RSPO1: variants seen among roughly 807,000 people sequenced by gnomAD.
The protein encoded by RSPO1 is R-spondin-1.
In RSPO1, 18 loss-of-function variants were observed where a neutral mutation model predicts 26.0. That is an observed-to-expected ratio of 0.69 (90% CI 0.48 to 1.03). The LOEUF is 1.03. Among genes scored for constraint, RSPO1 ranks in the 50% least tolerant of loss-of-function variants. RSPO1 has a pLI of 0.00. For missense variants in RSPO1, 309 were observed against 352.3 expected (o/e 0.88, Z 0.98); for synonymous variants, 133 against 137.4 (o/e 0.97, Z 0.22).
intron 2 of RSPO1, among the ~76,000 whole-genome samples, chr1:37,630,182 T>A (rs1644336519): frequency 1.3e-5 from 2 of 152,208 alleles, no homozygotes; most frequent in Non-Finnish European, 2.9e-5. Flanking sequence ...CAAACCAAAC[T>A]TGTGGATCAC....
intron 3 of RSPO1, among the ~76,000 whole-genome samples, chr1:37,624,791 G>A (rs999079524): frequency 2.0e-5 from 3 of 152,100 alleles, no homozygotes; most frequent in Admixed American, 1.3e-4. Context: ...TCTATCAATA[G>A]CTCCCTATCA....
At chr1:37,616,382 GCCC>G in intron 4 of RSPO1, 99 bp downstream of exon 4, 2 of 1,065,540 alleles carry the variant, frequency 1.9e-6, no homozygotes, top group Non-Finnish European at 2.8e-6. Context: ...TCTCCTCAGA[GCCC>G]CCTCTGCTCC....
At chr1:37,631,328 AGAG>A (rs1456578921) in intron 2 of RSPO1, among the ~76,000 whole-genome samples, 2 of 152,174 alleles carry the variant, frequency 1.3e-5, no homozygotes, top group African/African-American at 4.8e-5. Context: ...GGCCTGAGCC[AGAG>A]GAGATGCCCC....
In RSPO1 at chr1:37,614,225, C is replaced by T. The variant is rs1402093746; in HGVS notation, c.395G>A (p.Gly132Asp). Reference sequence around the variant, plus strand: ...CATGGTGCCATTGGCAGCTGAGGAGCCCTCGGGACAAGCTGGATAGCAGCG... The same window carrying T: ...CATGGTGCCATTGGCAGCTGAGGAGTCCTCGGGACAAGCTGGATAGCAGCG... ...KGRCYPACPE[G>D]SSAANGTMEC... The change falls in exon 5 of 7, where the codon GGC becomes GAC. Residue 132 changes from glycine (G) to aspartate (D), a missense_variant. Coordinates refer to ENST00000356545, the MANE Select transcript of RSPO1 (RefSeq NM_001242908.2). The T allele has an allele frequency of 1.2e-6, 2 of 1,613,418 alleles. No individual in the cohort carries two copies. The highest frequency in any genetic ancestry group is 1.1e-5 in the South Asian group (1 of 91,036).
chr1:37,617,906 G>T (rs1161944559), intron 3 of RSPO1, among the ~76,000 whole-genome samples: 1 of 152,134 alleles, frequency 6.6e-6, no homozygotes, highest in Admixed American at 6.5e-5. Context: ...CAGCCACAAG[G>T]CCAAGCAATA....
At chr1:37,614,034 G>T in intron 5 of RSPO1, 142 bp from the exon 6 acceptor site, 4 of 1,314,670 alleles carry the variant, frequency 3.0e-6, no homozygotes, top group Non-Finnish European at 4.3e-6. Context: ...AGTCCAGAGG[G>T]CAGAAAAGTC....
chr1:37,628,179 C>G (rs1241333668), intron 3 of RSPO1, among the ~76,000 whole-genome samples: 1 of 152,022 alleles, frequency 6.6e-6, no homozygotes, highest in Non-Finnish European at 1.5e-5. Context: ...CCCATTCTCT[C>G]TCTCTCTCTG....
chr1:37,620,000 G>C (rs1228680296), intron 3 of RSPO1, among the ~76,000 whole-genome samples: 3 of 151,936 alleles, frequency 2.0e-5, no homozygotes, highest in Non-Finnish European at 4.4e-5. Flanking sequence ...CCACCCGCCT[G>C]GGCCTCCCAA....
In RSPO1 at chr1:37,612,440, C is replaced by G. The variant is rs2148155848; in HGVS notation, c.*315G>C. On this transcript the variant is annotated 3_prime_UTR_variant, in exon 7 of 7. Coordinates refer to ENST00000356545, the MANE Select transcript of RSPO1 (RefSeq NM_001242908.2). ...GTCTCTGACATGTCCACTGGGAGCT[C>G]TGGAAACCAAGTGTGTACTGCTGGG... 1 of 423,726 alleles carries G rather than the reference C, an allele frequency of 2.4e-6. No homozygotes were observed. Among genetic ancestry groups the G allele is most frequent in the East Asian group, 4.6e-5 (1 of 21,826 alleles). The allele number at this position is 423,726 out of a possible 1,614,324, so 26.2% of individuals were successfully genotyped here.
intron 2 of RSPO1, among the ~76,000 whole-genome samples, chr1:37,630,978 A>T (rs1334814917): frequency 4.6e-5 from 7 of 152,028 alleles, no homozygotes; most frequent in African/African-American, 1.7e-4. Flanking sequence ...TTTCACATCT[A>T]TAAAATGGGG....
intron 2 of RSPO1, among the ~76,000 whole-genome samples, chr1:37,630,628 G>T (rs529409192): frequency 1.3e-5 from 2 of 152,368 alleles, no homozygotes; most frequent in East Asian, 3.9e-4. Context: ...GCGAGAGCCA[G>T]GTCTCTGGAC....
rs781148713 is a variant in RSPO1 at position 37,616,653 on chromosome 1, G to A, written c.117C>T (p.Ala39=). The A allele has an allele frequency of 1.2e-5, 20 of 1,614,046 alleles. No individual in the cohort carries two copies. Among genetic ancestry groups the A allele is most frequent in the Non-Finnish European group, 1.7e-5 (20 of 1,180,026 alleles). The change falls in exon 4 of 7, where the codon GCC becomes GCT. Residue 39 remains alanine (A), a synonymous_variant. Transcript: ENST00000356545. ...AGCAGAGCTCACAGCCTTTGGCACA[G>A]GCCTGGCTCCCCTCGGCACTGACTG... ...QRRISAEGSQ[A]CAKGCELCSE...
At chr1:37,633,391 G>A (rs1644387191) in intron 1 of RSPO1, among the ~76,000 whole-genome samples, 1 of 152,188 alleles carries the variant, frequency 6.6e-6, no homozygotes. Flanking sequence ...AGGCCACAAG[G>A]GCCTCGGAGG....
chr1:37,634,010 C>A lies in RSPO1; in HGVS notation c.-356+556G>T, dbSNP rs979583726. Among the ~76,000 whole-genome samples, 1 of 152,190 alleles carries A rather than the reference C, an allele frequency of 6.6e-6. No homozygotes were observed. The highest frequency in any genetic ancestry group is 1.5e-5 in the Non-Finnish European group (1 of 68,028). ...TCCCGGCCCTCCAGGGAGTCCCGGGCGAACATAGCCCCCACCTCTCCCCAA... is the reference window on the plus strand; with the variant it reads ...TCCCGGCCCTCCAGGGAGTCCCGGGAGAACATAGCCCCCACCTCTCCCCAA... On this transcript the variant is annotated intron_variant, in intron 1 of 6. Transcript: ENST00000356545. The surrounding 1 kb of genome is among the most constrained non-coding windows in gnomAD (Gnocchi z 4.7).
chr1:37,630,163 G>T (rs547162801), intron 2 of RSPO1, among the ~76,000 whole-genome samples: 2 of 152,294 alleles, frequency 1.3e-5, no homozygotes, highest in African/African-American at 4.8e-5. Context: ...CCAGAATATG[G>T]CAGACATTCA....
chr1:37,633,694 G>A lies in RSPO1; in HGVS notation c.-356+872C>T, dbSNP rs894736467. Among the ~76,000 whole-genome samples the A allele has an allele frequency of 3.3e-5, 5 of 152,290 alleles. 1 individual carries two copies. The highest frequency in any genetic ancestry group is 1.2e-4 in the African/African-American group (5 of 41,548). On this transcript the variant is annotated intron_variant, in intron 1 of 6. Transcript: ENST00000356545. The stretch of plus-strand genomic sequence containing the variant: ...GGCGGGACAAAGTATGTGCCTGTCC[G>A]ACCTGTCGGGATTAGCCTGTCTGTC...
intron 2 of RSPO1, among the ~76,000 whole-genome samples, chr1:37,630,204 C>T (rs535536829): frequency 6.6e-6 from 1 of 152,334 alleles, no homozygotes; most frequent in African/African-American, 2.4e-5. Flanking sequence ...GATGATTTCT[C>T]AATAACGGGA....
At position 37,611,567 on chromosome 1, in the gene RSPO1, G is replaced by A. The variant is rs180939532; in HGVS notation, c.*1188C>T. The A allele has an allele frequency of 1.1e-4, 17 of 152,398 alleles. No individual in the cohort carries two copies. Among genetic ancestry groups the A allele is most frequent in the African/African-American group, 3.8e-4 (16 of 41,582 alleles). 9.4% of individuals were successfully genotyped at this position (152,398 alleles called of 1,614,324 possible). A position where few individuals can be genotyped will look rare whatever the true frequency, so the allele number is the denominator to read the frequency against. On this transcript the variant is annotated 3_prime_UTR_variant, in exon 7 of 7. Coordinates refer to ENST00000356545, the MANE Select transcript of RSPO1 (RefSeq NM_001242908.2). ...CCCTGGAAACCTAGCACCTAGTCCA[G>A]AGCCTGGCACACACTTCAGAATGCC...
rs371825155 is a variant in RSPO1 at position 37,613,858 on chromosome 1, C to T, written c.471G>A (p.Gly157=). 9 of 1,613,928 alleles carry T rather than the reference C, an allele frequency of 5.6e-6. No homozygotes were observed. The highest frequency in any genetic ancestry group is 3.3e-5 in the Admixed American group (2 of 59,996). The change falls in exon 6 of 7, where the codon GGG becomes GGA. Residue 157 remains glycine (G), a synonymous_variant. Transcript: ENST00000356545. The surrounding 1 kb of genome is among the most constrained non-coding windows in gnomAD (Gnocchi z 4.5). The part of the protein sequence containing the change: ...QCEMSEWSPW[G]PCSKKQQLCG... ...AGAGCTGCTGCTTCTTGGAGCAGGG[C>T]CCCCACGGAGACCACTCGCTCATTT... is the stretch of plus-strand genomic sequence containing the variant.
Sources: allele counts gnomAD v4.1 joint callset (sites outside exome capture counted in the v4.1 genomes callset), GRCh38; gene constraint gnomAD v4.1.1; non-coding constraint Gnocchi (gnomAD v3.1); transcripts MANE v1.5; gene names NCBI Gene and HGNC (gene_info 2026-07-23, HGNC 2026-07-21).